Variants in ZCCHC2 observed in about 807,000 individuals in gnomAD.
The protein encoded by ZCCHC2 is zinc finger CCHC-type containing 2.
ZCCHC2 carries 39 observed loss-of-function variants against 103.6 expected under a neutral mutation model. The observed-to-expected ratio is 0.38, with a 90% confidence interval of 0.29 to 0.49. The LOEUF (loss-of-function observed/expected upper bound fraction) is 0.49, where lower values mean the gene tolerates loss of function less well. ZCCHC2 is among the 20% of genes least tolerant of loss of function. The pLI is 0.96. For missense variants in ZCCHC2, 1,483 were observed against 1,491.0 expected (o/e 0.99, Z 0.09); for synonymous variants, 687 against 608.9 (o/e 1.13, Z -1.89).
At chr18:62,564,324 A>G (rs529109469) in intron 9 of ZCCHC2, among the ~76,000 whole-genome samples, 1 of 152,310 alleles carries the variant, frequency 6.6e-6, no homozygotes, top group East Asian at 1.9e-4. Flanking sequence ...TAGTCAGAAA[A>G]AAGAATGTAG....
At position 62,575,020 on chromosome 18, in the gene ZCCHC2, C is replaced by T. The variant is rs1916769479; in HGVS notation, c.2939C>T (p.Thr980Ile). 1 of 1,613,896 alleles carries T rather than the reference C, an allele frequency of 6.2e-7. No homozygotes were observed. Among genetic ancestry groups the T allele is most frequent in the African/African-American group, 1.3e-5 (1 of 74,922 alleles). ...CCAAGCCCTGCCTTGACACACAGTA[C>T]CGCGCAGAGTGACAGCACCTCTTAC... is the stretch of plus-strand genomic sequence containing the variant. ...PSPSPALTHS[T>I]AQSDSTSYIS... The change falls in exon 13 of 14, where the codon ACC (threonine) becomes ATC (isoleucine). Residue 980 changes from threonine to isoleucine, a missense_variant. Coordinates refer to ENST00000269499, the MANE Select transcript of ZCCHC2 (RefSeq NM_017742.6).
At chr18:62,559,340 TG>T (rs1422146165) in intron 7 of ZCCHC2, among the ~76,000 whole-genome samples, 3 of 152,110 alleles carry the variant, frequency 2.0e-5, no homozygotes, top group African/African-American at 4.8e-5. Context: ...GAAATATAGG[TG>T]AAAGACATAA....
chr18:62,555,470 A>G (rs1357169322), intron 5 of ZCCHC2, among the ~76,000 whole-genome samples: 1 of 152,158 alleles, frequency 6.6e-6, no homozygotes, highest in Non-Finnish European at 1.5e-5. Flanking sequence ...TAGCATCCCA[A>G]ACTTCCCAAC....
At chr18:62,573,989 G>T (rs1358592113) in intron 12 of ZCCHC2, 68 bp from the exon 13 acceptor site, 6 of 1,472,756 alleles carry the variant, frequency 4.1e-6, no homozygotes, top group Non-Finnish European at 5.5e-6. Flanking sequence ...TATACTCAAT[G>T]TTTATTTCTA....
intron 1 of ZCCHC2, among the ~76,000 whole-genome samples, chr18:62,536,593 G>A (rs927712447): frequency 2.0e-5 from 3 of 152,164 alleles, no homozygotes; most frequent in Admixed American, 1.3e-4. Flanking sequence ...GGAGTGCAGG[G>A]CAGACAGCAT....
At position 62,576,407 on chromosome 18, in the gene ZCCHC2, CGAA is replaced by C. The variant is rs1172429252; in HGVS notation, c.3470-103_3470-101del. On this transcript the variant is annotated intron_variant, in intron 13 of 13. Transcript: ENST00000269499. ...CCATTTGGAGTGGCACTAGAGCTGA[CGAA>C]GGTGCCTTGTGGAGAGCATGCCCGT... 5 of 935,010 alleles carry C rather than the reference CGAA, an allele frequency of 5.3e-6. No homozygotes were observed. In the East Asian group the frequency reaches 1.0e-4, roughly 19 times the overall value. The allele number at this position is 935,010 out of a possible 1,614,324, so 57.9% of individuals were successfully genotyped here.
At position 62,575,076 on chromosome 18, in the gene ZCCHC2, G is replaced by C; in HGVS notation, c.2995G>C (p.Gly999Arg). The part of the protein sequence containing the change: ...ISAVGNTNAN[G>R]TVVPPQQMGS... Reference sequence around the variant, plus strand: ...TGCTGTGGGGAACACGAACGCTAATGGGACAGTAGTGCCACCGCAGCAGAT... The same window carrying C: ...TGCTGTGGGGAACACGAACGCTAATCGGACAGTAGTGCCACCGCAGCAGAT... The change falls in exon 13 of 14, where the codon GGG (glycine) becomes CGG (arginine). Residue 999 changes from glycine (G) to arginine (R), a missense_variant. Gly to Arg is a moderately radical substitution (Grantham distance 125). Coordinates refer to ENST00000269499, the MANE Select transcript of ZCCHC2 (RefSeq NM_017742.6). 6.2e-7 allele frequency: 1 copy of C among 1,614,006 alleles called. No homozygotes were observed. Among genetic ancestry groups the C allele is most frequent in the Non-Finnish European group, 8.5e-7 (1 of 1,179,892 alleles).
chr18:62,586,212 A>G (rs1346496733), exon 15 of ZCCHC2: 1 of 152,008 alleles, frequency 6.6e-6, no homozygotes, highest in Non-Finnish European at 1.5e-5. Flanking sequence ...TGTGAATTGA[A>G]GCCTACTTTT....
chr18:62,568,480 T>C (rs193003054), intron 11 of ZCCHC2, among the ~76,000 whole-genome samples: 73 of 152,344 alleles, frequency 4.8e-4, no homozygotes, highest in African/African-American at 1.6e-3. Flanking sequence ...AGTATAGATT[T>C]AGATTTATGT....
intron 5 of ZCCHC2, among the ~76,000 whole-genome samples, chr18:62,550,678 T>C (rs534790880): frequency 4.6e-5 from 7 of 152,372 alleles, no homozygotes; most frequent in East Asian, 1.9e-4. Context: ...TCATAAAATT[T>C]AGTTGCTTCT....
intron 12 of ZCCHC2, among the ~76,000 whole-genome samples, chr18:62,572,674 T>C (rs537574776): frequency 3.3e-4 from 50 of 152,300 alleles, no homozygotes; most frequent in African/African-American, 9.9e-4. Context: ...GTGAGACATG[T>C]CTCAGCATGT....
rs1359169067 is a variant in ZCCHC2, at chr18:62,524,329, T to TAG, written c.908_909dup (p.Pro304SerfsTer27). The TAG allele has an allele frequency of 6.5e-7, 1 of 1,542,200 alleles. No homozygotes were observed. Among genetic ancestry groups the TAG allele is most frequent in the Non-Finnish European group, 8.7e-7 (1 of 1,144,014 alleles). On this transcript the variant is annotated frameshift_variant, in exon 1 of 14. Transcript: ENST00000269499. LOFTEE classifies it high-confidence loss of function. ...GGCCCCGAGGACGCGGAGGTGGAGG[T>TAG]AGAGCCGTGCAAGTTTGCCGGCCCC... is the stretch of plus-strand genomic sequence containing the variant.
chr18:62,550,788 T>C (rs1915630697), intron 5 of ZCCHC2, among the ~76,000 whole-genome samples: 1 of 152,184 alleles, frequency 6.6e-6, no homozygotes, highest in Non-Finnish European at 1.5e-5. Context: ...GATGTTTTAT[T>C]TGTTTAAAGT....
downstream of ZCCHC2, among the ~76,000 whole-genome samples, chr18:62,578,922 G>T (rs1916965914): frequency 6.6e-6 from 1 of 152,040 alleles, no homozygotes; most frequent in Non-Finnish European, 1.5e-5. Context: ...TATGTACCAT[G>T]ACACCCAGCT....
At chr18:62,532,279 T>C (rs952124934) in intron 1 of ZCCHC2, among the ~76,000 whole-genome samples, 2 of 152,208 alleles carry the variant, frequency 1.3e-5, no homozygotes, top group East Asian at 1.9e-4. Context: ...TTCTAGTCAC[T>C]CCAAATTACT....
chr18:62,563,192 T>A, intron 9 of ZCCHC2, 48 bp downstream of exon 9: 1 of 1,561,562 alleles, frequency 6.4e-7, no homozygotes, highest in Admixed American at 1.8e-5. Context: ...GCATTGCTCC[T>A]CTATAAGAAA....
chr18:62,542,772 G>A (rs144831225), intron 3 of ZCCHC2, among the ~76,000 whole-genome samples, 198 bp downstream of exon 3: 1,876 of 152,178 alleles, frequency 0.012, 49 homozygotes, highest in African/African-American at 0.043. Context: ...AATAACCCTG[G>A]CTATTTTATT....
chr18:62,567,257 G>A (rs961757866), intron 11 of ZCCHC2, among the ~76,000 whole-genome samples: 2 of 152,150 alleles, frequency 1.3e-5, no homozygotes, highest in East Asian at 3.8e-4. Context: ...AACTCAGTAC[G>A]TGCCTAAGGA....
chr18:62,572,522 A>G (rs1916634327), intron 12 of ZCCHC2, among the ~76,000 whole-genome samples: 1 of 152,176 alleles, frequency 6.6e-6, no homozygotes, highest in South Asian at 2.1e-4. Context: ...ATTATGGTAG[A>G]GAGTTTTGAT....
Sources: gnomAD v4.1 joint callset for allele counts (sites outside exome capture counted in the v4.1 genomes callset) on GRCh38, gnomAD v4.1.1 for gene constraint, MANE v1.5 for transcripts, NCBI Gene and HGNC (gene_info 2026-07-23, HGNC 2026-07-21) for gene names.